Variants in TRIM51G observed in about 807,000 individuals in gnomAD.
TRIM51G encodes the protein tripartite motif-containing 51G.
At chr11:48,982,235 A>AG in the TRIM51G span, among the ~76,000 whole-genome samples, 1 of 152,288 alleles carries the variant, frequency 6.6e-6, no homozygotes, top group East Asian at 1.9e-4. Flanking sequence ...AAACCAGTCT[A>AG]GGCTCACTAG....
chr11:48,975,901 G>T, the TRIM51G span: 2 of 793,210 alleles, frequency 2.5e-6, no homozygotes, highest in East Asian at 2.5e-5. Flanking sequence ...AGTGATATTG[G>T]GATCATGTTG....
chr11:48,981,074 C>A, the TRIM51G span: 7 of 846,802 alleles, frequency 8.3e-6, no homozygotes, highest in African/African-American at 1.0e-4. Flanking sequence ...ATACGAAGGA[C>A]CCAAAATGAG....
chr11:48,979,029 T>C, the TRIM51G span: 4 of 1,110,398 alleles, frequency 3.6e-6, no homozygotes, highest in Non-Finnish European at 5.6e-6. Flanking sequence ...GTGACGTTGC[T>C]CTTCTTCATG....
At chr11:48,975,802 T>A in the TRIM51G span, 1 of 1,522,114 alleles carries the variant, frequency 6.6e-7, no homozygotes, top group Non-Finnish European at 9.0e-7. Flanking sequence ...AAAAGCCCAA[T>A]TCCAAGAGTG....
chr11:48,975,584 C>A, the TRIM51G span: 5 of 1,386,290 alleles, frequency 3.6e-6, no homozygotes, highest in East Asian at 6.9e-5. Context: ...CTTCTATCCA[C>A]ATCAACAAAG....
At chr11:48,981,392 T>A in the TRIM51G span, 3 of 1,607,554 alleles carry the variant, frequency 1.9e-6, no homozygotes, top group African/African-American at 1.3e-5. Context: ...TCACAGAACA[T>A]CTCCTTTGTC....
chr11:48,981,276 A>G, the TRIM51G span: 8 of 1,604,068 alleles, frequency 5.0e-6, no homozygotes, highest in Non-Finnish European at 6.8e-6. Context: ...CTTCAGAGGC[A>G]TCACTTACCC....
At chr11:48,978,097 G>A in the TRIM51G span, 3 of 502,910 alleles carry the variant, frequency 6.0e-6, no homozygotes, top group Non-Finnish European at 8.3e-6. Flanking sequence ...TGATATTTGT[G>A]GAAACTGAAA....
At chr11:48,979,443 G>C in the TRIM51G span, among the ~76,000 whole-genome samples, 10 of 152,184 alleles carry the variant, frequency 6.6e-5, no homozygotes, top group African/African-American at 2.4e-4. Context: ...TTCTATTTTG[G>C]AGAATTGGGG....
chr11:48,979,007 C>G, the TRIM51G span: 1 of 1,294,836 alleles, frequency 7.7e-7, no homozygotes, highest in Non-Finnish European at 1.1e-6. Context: ...CCTCCTTTTG[C>G]AGCCTCTCCA....
At chr11:48,975,594 G>A in the TRIM51G span, 9 of 1,385,396 alleles carry the variant, frequency 6.5e-6, no homozygotes, top group Non-Finnish European at 8.2e-6. Flanking sequence ...CATCAACAAA[G>A]CTCACGGTCC....
the TRIM51G span, among the ~76,000 whole-genome samples, chr11:48,981,894 G>A: frequency 3.9e-5 from 6 of 152,242 alleles, no homozygotes; most frequent in African/African-American, 1.4e-4. Flanking sequence ...ACTACTGACT[G>A]GATGACTCAC....
the TRIM51G span, among the ~76,000 whole-genome samples, chr11:48,976,815 T>C: frequency 5.3e-5 from 8 of 152,176 alleles, no homozygotes; most frequent in Non-Finnish European, 2.9e-5. Context: ...TTTCCATTTA[T>C]TCAATTTTTT....
the TRIM51G span, among the ~76,000 whole-genome samples, chr11:48,979,822 A>G: frequency 2.0e-5 from 3 of 149,534 alleles, no homozygotes; most frequent in Non-Finnish European, 3.0e-5. Context: ...TATAATATAT[A>G]TACACTGACA....
the TRIM51G span, chr11:48,978,096 T>C: frequency 4.6e-5 from 23 of 502,602 alleles, no homozygotes; most frequent in Non-Finnish European, 9.1e-5. Context: ...TTGATATTTG[T>C]GGAAACTGAA....
At chr11:48,982,285 T>C in the TRIM51G span, among the ~76,000 whole-genome samples, 34 of 152,110 alleles carry the variant, frequency 2.2e-4, no homozygotes, top group Non-Finnish European at 4.7e-4. Flanking sequence ...GTTTTTCTTA[T>C]GGCTTAAATT....
the TRIM51G span, among the ~76,000 whole-genome samples, chr11:48,976,862 C>T: frequency 3.9e-5 from 6 of 152,030 alleles, no homozygotes. Context: ...ATATATAACT[C>T]TATACATGTG....
At chr11:48,983,723 T>C in the TRIM51G span, among the ~76,000 whole-genome samples, 1 of 151,984 alleles carries the variant, frequency 6.6e-6, no homozygotes, top group Admixed American at 6.6e-5. Context: ...ATTTTCTCCA[T>C]ATAAGTTGCA....
At chr11:48,979,361 A>G in the TRIM51G span, among the ~76,000 whole-genome samples, 1 of 152,204 alleles carries the variant, frequency 6.6e-6, no homozygotes, top group Non-Finnish European at 1.5e-5. Context: ...CACCACATTT[A>G]TAGAAAGAAA....
Sources: gnomAD v4.1 joint callset for allele counts (sites outside exome capture counted in the v4.1 genomes callset) on GRCh38, gnomAD v4.1.1 for gene constraint, MANE v1.5 for transcripts, NCBI Gene and HGNC (gene_info 2026-07-23, HGNC 2026-07-21) for gene names.